The following ZNF398 variants were observed in gnomAD, a reference collection of about 807,000 sequenced individuals.
ZNF398 encodes the protein zinc finger protein 398.
ZNF398 carries 18 observed loss-of-function variants against 41.9 expected under a neutral mutation model. The observed-to-expected ratio is 0.43, with a 90% CI of 0.30 to 0.64. The LOEUF (loss-of-function observed/expected upper bound fraction) is 0.64, where lower values mean the gene tolerates loss of function less well. ZNF398 is among the 30% of genes least tolerant of loss of function. The pLI is 0.14. For synonymous variants in ZNF398, 260 were observed against 308.8 expected, an observed-to-expected ratio of 0.84 and a Z score of 1.66; for missense variants, 669 against 822.8, an observed-to-expected ratio of 0.81 and a Z score of 2.29.
At chr7:149,134,373 G>T (rs896626712) in intron 2 of ZNF398, among the ~76,000 whole-genome samples, 1 of 151,418 alleles carries the variant, frequency 6.6e-6, no homozygotes, top group Non-Finnish European at 1.5e-5. Context: ...TTACAGGTGT[G>T]AGCCACCACG....
rs1795583661 is a variant in ZNF398 at position 149,181,265 on chromosome 7, C to T, written c.*1464C>T. On this transcript the variant is annotated 3_prime_UTR_variant, in exon 6 of 6. Transcript: ENST00000475153. ...TCTGTCCAGGCAAAGCTAAATAAGA[C>T]AGCAAAGTCAAAGCAGATAAATTCT... is the stretch of plus-strand genomic sequence containing the variant. 1 of 152,462 alleles carries T rather than the reference C, an allele frequency of 6.6e-6. No individual in the cohort carries two copies. 9.4% of individuals were successfully genotyped at this position (152,462 alleles called of 1,614,324 possible).
chr7:149,142,792 A>G (rs1038584792), upstream of ZNF398, among the ~76,000 whole-genome samples: 1 of 152,236 alleles, frequency 6.6e-6, no homozygotes, highest in Non-Finnish European at 1.5e-5. Context: ...TACTTAATGA[A>G]AAATTCCTAG....
chr7:149,166,795 C>G (rs374337614), intron 3 of ZNF398, 22 bp from the exon 4 acceptor site: 5 of 1,539,078 alleles, frequency 3.2e-6, no homozygotes, highest in Middle Eastern at 1.7e-4. Flanking sequence ...GTAATACTCT[C>G]TCTTCCTTTT....
intron 2 of ZNF398, among the ~76,000 whole-genome samples, chr7:149,162,568 G>T (rs1299919469): frequency 6.6e-6 from 1 of 152,046 alleles, no homozygotes; most frequent in East Asian, 1.9e-4. Flanking sequence ...AACCTCAAGT[G>T]ATGCTCCTGC....
chr7:149,145,991 G>A (rs118056199), upstream of ZNF398, among the ~76,000 whole-genome samples: 6,531 of 130,358 alleles, frequency 0.05, 214 homozygotes, highest in Non-Finnish European at 0.072. Flanking sequence ...TGTCGCCCAG[G>A]GTGGAGTGCA....
intron 2 of ZNF398, among the ~76,000 whole-genome samples, chr7:149,164,722 A>G (rs1290709069): frequency 6.6e-6 from 1 of 152,252 alleles, no homozygotes; most frequent in Non-Finnish European, 1.5e-5. Flanking sequence ...AAAAGCTAGA[A>G]TTTGAAAACA....
At chr7:149,159,578 G>A (rs1168671475) in intron 2 of ZNF398, among the ~76,000 whole-genome samples, 3 of 151,978 alleles carry the variant, frequency 2.0e-5, no homozygotes, top group African/African-American at 7.2e-5. Flanking sequence ...AACCCGGGAG[G>A]TGGAGGTTGC....
intron 2 of ZNF398, among the ~76,000 whole-genome samples, chr7:149,134,891 C>G (rs1297775291): frequency 6.6e-6 from 1 of 151,954 alleles, no homozygotes; most frequent in Non-Finnish European, 1.5e-5. Context: ...CCACCACGCC[C>G]AGCTAATTTT....
intron 2 of ZNF398, among the ~76,000 whole-genome samples, chr7:149,156,245 G>A (rs113861151): frequency 2.0e-5 from 3 of 151,968 alleles, no homozygotes; most frequent in African/African-American, 4.8e-5. Flanking sequence ...ATTGGCTCAC[G>A]CCTGTAATCC....
At chr7:149,151,117 A>T (rs1453955833) in intron 1 of ZNF398, 2 of 558,120 alleles carry the variant, frequency 3.6e-6, no homozygotes, top group Admixed American at 1.0e-4. Flanking sequence ...GACAAGCGGC[A>T]TGGAGGGCAC....
intron 2 of ZNF398, among the ~76,000 whole-genome samples, chr7:149,156,702 T>C (rs1378607665): frequency 6.7e-6 from 1 of 150,184 alleles, no homozygotes; most frequent in African/African-American, 2.4e-5. Context: ...CTACTAAATA[T>C]ACAAAAAAAT....
At chr7:149,126,422 C>G in exon 1 of ZNF398, 1 of 947,804 alleles carries the variant, frequency 1.1e-6, no homozygotes, top group Non-Finnish European at 1.5e-6. Flanking sequence ...GGAGTCGGTC[C>G]TCAGAGGAGG....
intron 5 of ZNF398, among the ~76,000 whole-genome samples, chr7:149,177,619 A>C (rs1465774400): frequency 6.6e-6 from 1 of 152,216 alleles, no homozygotes; most frequent in African/African-American, 2.4e-5. Context: ...TGCATAGCAG[A>C]AATGTATACT....
At chr7:149,161,886 A>G (rs551982356) in intron 2 of ZNF398, among the ~76,000 whole-genome samples, 1 of 152,142 alleles carries the variant, frequency 6.6e-6, no homozygotes, top group African/African-American at 2.4e-5. Context: ...TGCAATTGGG[A>G]TGAAGAAGTG....
At chr7:149,138,424 A>G (rs1442598307) in intron 2 of ZNF398, among the ~76,000 whole-genome samples, 2 of 151,930 alleles carry the variant, frequency 1.3e-5, no homozygotes, top group Non-Finnish European at 2.9e-5. Context: ...TACTAAAAAT[A>G]CAAAAATTAT....
chr7:149,179,274 A>G lies in ZNF398; in HGVS notation c.1402A>G (p.Ile468Val). 1 of 1,613,052 alleles carries G rather than the reference A, an allele frequency of 6.2e-7. No individual in the cohort carries two copies. The highest frequency in any genetic ancestry group is 1.6e-4 in the Middle Eastern group (1 of 6,062). ...GTGCGGCAGGAGCTTCAGCTTGAAAATCAGCCTCCTGCTCCACCAGCGGGG... is the reference window on the plus strand; with the variant it reads ...GTGCGGCAGGAGCTTCAGCTTGAAAGTCAGCCTCCTGCTCCACCAGCGGGG... ...AQCGRSFSLK[I>V]SLLLHQRGHA... is the part of the protein sequence containing the mutation. Residue 468 changes from isoleucine to valine, a missense_variant, in exon 6 of 6, where the codon ATC (isoleucine) becomes GTC (valine). Ile to Val is a conservative substitution (Grantham distance 29). Transcript: ENST00000475153. The surrounding 1 kb of genome is among the most constrained non-coding windows in gnomAD (Gnocchi z 6.1).
upstream of ZNF398, among the ~76,000 whole-genome samples, chr7:149,144,141 C>T (rs1245735335): frequency 6.6e-6 from 1 of 152,122 alleles, no homozygotes; most frequent in African/African-American, 2.4e-5. Context: ...AAGGAAGGAA[C>T]ATTTAATAAG....
At chr7:149,139,974 G>C (rs1826788336) in intron 2 of ZNF398, among the ~76,000 whole-genome samples, 1 of 151,626 alleles carries the variant, frequency 6.6e-6, no homozygotes, top group South Asian at 2.1e-4. Context: ...CTCCAGCCTG[G>C]GCAACAGAGC....
At chr7:149,166,086 C>A in intron 2 of ZNF398, 72 bp from the exon 3 acceptor site, 1 of 1,485,228 alleles carries the variant, frequency 6.7e-7, no homozygotes, top group Non-Finnish European at 9.1e-7. Context: ...ATAAAAGGAA[C>A]TAATTGGAAA....
Sources: allele counts gnomAD v4.1 joint callset (sites outside exome capture counted in the v4.1 genomes callset), GRCh38; gene constraint gnomAD v4.1.1; non-coding constraint Gnocchi (gnomAD v3.1); transcripts MANE v1.5; gene names NCBI Gene and HGNC (gene_info 2026-07-23, HGNC 2026-07-21).